Variants in CRADD observed in about 807,000 individuals in gnomAD.
CRADD encodes the protein death domain-containing protein CRADD.
CRADD carries 9 observed loss-of-function variants against 15.5 expected under a neutral mutation model. The ratio of observed to expected loss-of-function variants is 0.58; its 90% CI spans 0.35 to 1.01. CRADD has a LOEUF of 1.01. Among genes scored for constraint, CRADD ranks in the 50% least tolerant of loss-of-function variants. The pLI, the probability that CRADD is intolerant of heterozygous loss-of-function variation, is 0.02. For synonymous variants in CRADD, 118 were observed against 107.6 expected (o/e 1.10, Z -0.60); for missense variants, 227 against 250.3 (o/e 0.91, Z 0.63).
chr12:93,730,290 C>T (rs1341378758), intron 2 of CRADD, among the ~76,000 whole-genome samples: 1 of 152,210 alleles, frequency 6.6e-6, no homozygotes, highest in Non-Finnish European at 1.5e-5. Flanking sequence ...GGACCTACTG[C>T]TCCTATATAT....
rs71071759 is a variant in CRADD at position 93,703,978 on chromosome 12, CTTTTTTT to C, written c.298+24922_298+24928del. On this transcript the variant is annotated intron_variant, in intron 2 of 2. Coordinates refer to ENST00000332896, the MANE Select transcript of CRADD (RefSeq NM_003805.5). The stretch of plus-strand genomic sequence containing the variant: ...TACCGTCAAATTATTTGGAGCCTTT[CTTTTTTT>C]TTTTTTTTTTTTTTTGTAGAGATGG... Among the ~76,000 whole-genome samples the C allele has an allele frequency of 1.9e-4, 17 of 90,280 alleles. 1 individual carries two copies. The highest frequency in any genetic ancestry group is 5.6e-4 in the African/African-American group (14 of 24,976). 59.2% of individuals were successfully genotyped at this position (90,280 alleles called of 152,430 possible).
At chr12:93,760,997 A>C (rs527663408) in intron 2 of CRADD, among the ~76,000 whole-genome samples, 1 of 152,044 alleles carries the variant, frequency 6.6e-6, no homozygotes, top group South Asian at 2.1e-4. Context: ...TGAGATAGGG[A>C]GAGGAAGCCG....
chr12:93,876,244 C>A (rs1423188571), intron 2 of CRADD, among the ~76,000 whole-genome samples: 3 of 152,026 alleles, frequency 2.0e-5, no homozygotes, highest in Non-Finnish European at 4.4e-5. Flanking sequence ...CTTTTAGGAT[C>A]CATTCTTTAT....
At chr12:93,726,821 T>C (rs1469894236) in intron 2 of CRADD, among the ~76,000 whole-genome samples, 1 of 152,074 alleles carries the variant, frequency 6.6e-6, no homozygotes, top group Non-Finnish European at 1.5e-5. Flanking sequence ...ACTACAGCAC[T>C]CTAACAGAAG....
chr12:93,859,463 A>G, intron 2 of CRADD: 1 of 429,646 alleles, frequency 2.3e-6, no homozygotes, highest in South Asian at 1.7e-5. Flanking sequence ...ATTATATCCA[A>G]GTCTTGGCAT....
chr12:93,724,333 C>T (rs531563593), intron 2 of CRADD, among the ~76,000 whole-genome samples: 38 of 150,542 alleles, frequency 2.5e-4, no homozygotes, highest in East Asian at 7.8e-4. Flanking sequence ...GAGCCCTGAT[C>T]GTGCCACTGC....
intron 2 of CRADD, among the ~76,000 whole-genome samples, chr12:93,883,953 A>T (rs1958519364): frequency 6.6e-6 from 1 of 152,194 alleles, no homozygotes; most frequent in African/African-American, 2.4e-5. Flanking sequence ...GCTTCTCAGG[A>T]TGTGGCAAGA....
intron 2 of CRADD, among the ~76,000 whole-genome samples, chr12:93,767,017 A>G (rs1957033272): frequency 6.6e-6 from 1 of 152,128 alleles, no homozygotes. Flanking sequence ...CATTTCCAGG[A>G]TGTTCTCCCT....
intron 2 of CRADD, among the ~76,000 whole-genome samples, chr12:93,793,973 C>T (rs955286474): frequency 1.3e-5 from 2 of 152,180 alleles, no homozygotes; most frequent in African/African-American, 4.8e-5. Context: ...GTCCTCCCCA[C>T]CAGCCAACTG....
intron 2 of CRADD, among the ~76,000 whole-genome samples, chr12:93,782,882 A>G (rs1453651283): frequency 1.3e-5 from 2 of 152,352 alleles, no homozygotes; most frequent in East Asian, 3.9e-4. Flanking sequence ...GAAAAAAAGT[A>G]TGTGTATAGG....
intron 2 of CRADD, among the ~76,000 whole-genome samples, chr12:93,805,545 G>A (rs890205836): frequency 6.6e-6 from 1 of 150,746 alleles, no homozygotes; most frequent in African/African-American, 2.4e-5. Flanking sequence ...ACATCGAGCT[G>A]TTCAGTGAAA....
chr12:93,755,656 G>T (rs1357701175), intron 2 of CRADD, among the ~76,000 whole-genome samples: 4 of 152,188 alleles, frequency 2.6e-5, no homozygotes, highest in Admixed American at 6.5e-5. Context: ...CCAGTCAGCC[G>T]ATTTAGGAGC....
chr12:93,785,430 T>C (rs1042585072), intron 2 of CRADD, among the ~76,000 whole-genome samples: 6 of 152,156 alleles, frequency 3.9e-5, no homozygotes, highest in African/African-American at 1.4e-4. Context: ...CTCACTGGTA[T>C]GCGTCTTCCC....
At chr12:93,727,271 G>A (rs538880190) in intron 2 of CRADD, among the ~76,000 whole-genome samples, 4 of 152,226 alleles carry the variant, frequency 2.6e-5, no homozygotes, top group South Asian at 2.1e-4. Context: ...GCTTATTGTC[G>A]CCTTCTTCCT....
intron 2 of CRADD, among the ~76,000 whole-genome samples, chr12:93,810,851 G>GT (rs2137007703): frequency 6.6e-6 from 1 of 152,316 alleles, no homozygotes; most frequent in Admixed American, 6.5e-5. Flanking sequence ...AGGTACAAGT[G>GT]TATTTGGATT....
intron 2 of CRADD, among the ~76,000 whole-genome samples, chr12:93,806,953 A>G (rs1957546306): frequency 6.6e-6 from 1 of 152,188 alleles, no homozygotes; most frequent in South Asian, 2.1e-4. Context: ...TCCTGAACTC[A>G]GAACTACCCA....
At chr12:93,725,552 G>C (rs1956346912) in intron 2 of CRADD, among the ~76,000 whole-genome samples, 1 of 151,970 alleles carries the variant, frequency 6.6e-6, no homozygotes, top group African/African-American at 2.4e-5. Context: ...AATGCTGCTG[G>C]TGGTGGTGTG....
intron 2 of CRADD, among the ~76,000 whole-genome samples, chr12:93,715,796 C>A (rs1200196988): frequency 2.6e-5 from 4 of 152,062 alleles, no homozygotes; most frequent in Non-Finnish European, 4.4e-5. Context: ...TTTCTTAAAT[C>A]CTTTTTCCCC....
At chr12:93,726,094 G>GTTTTTTTTTTTTTTTTTTT (rs1165429350) in intron 2 of CRADD, among the ~76,000 whole-genome samples, 5 of 96,010 alleles carry the variant, frequency 5.2e-5, no homozygotes, top group Non-Finnish European at 8.1e-5. Flanking sequence ...AAATAGTTTA[G>GTTTTTTTTTTTTTTTTTTT]TTTTTTTTTT....
Sources: gnomAD v4.1 joint callset for allele counts (sites outside exome capture counted in the v4.1 genomes callset) on GRCh38, gnomAD v4.1.1 for gene constraint, MANE v1.5 for transcripts, NCBI Gene and HGNC (gene_info 2026-07-23, HGNC 2026-07-21) for gene names.